TMEFF2: variants seen among roughly 807,000 people sequenced by gnomAD.
TMEFF2 encodes tomoregulin-2.
Under a neutral mutation model 53.8 loss-of-function variants are expected in TMEFF2, and 28 were observed. That is an observed-to-expected ratio of 0.52 (90% CI 0.39 to 0.71). The LOEUF (loss-of-function observed/expected upper bound fraction) is 0.71. Among genes scored for constraint, TMEFF2 ranks in the 30% least tolerant of loss-of-function variants. The pLI, the probability that TMEFF2 is intolerant of heterozygous loss-of-function variation, is 0.00. For synonymous variants in TMEFF2, 162 were observed against 166.3 expected (o/e 0.97, Z 0.20); for missense variants, 353 against 455.2 (o/e 0.78, Z 2.04).
chr2:191,970,595 A>C (rs929544991), intron 7 of TMEFF2, among the ~76,000 whole-genome samples: 6 of 152,174 alleles, frequency 3.9e-5, no homozygotes, highest in Non-Finnish European at 7.3e-5. Flanking sequence ...GGCCTTTCTA[A>C]TGCCTGAATT....
intron 4 of TMEFF2, among the ~76,000 whole-genome samples, chr2:192,139,628 T>C (rs549301303): frequency 6.6e-6 from 1 of 152,330 alleles, no homozygotes; most frequent in South Asian, 2.1e-4. Context: ...CAAAGATTTA[T>C]GAGACTGTTA....
At chr2:192,097,851 A>C (rs1459449241) in intron 4 of TMEFF2, among the ~76,000 whole-genome samples, 2 of 152,200 alleles carry the variant, frequency 1.3e-5, no homozygotes, top group African/African-American at 4.8e-5. Flanking sequence ...CGCAGTTAGG[A>C]TCCTAGGCAC....
chr2:192,037,336 A>AGGAAGGAAGGAAGGAAGG (rs1553515677), intron 5 of TMEFF2, among the ~76,000 whole-genome samples: 1 of 150,588 alleles, frequency 6.6e-6, no homozygotes, highest in African/African-American at 2.4e-5. Context: ...AAAGAAAGAA[A>AGGAAGGAAGGAAGGAAGG]AACAGAAAAC....
At chr2:191,950,498 A>C (rs1321866492) in intron 9 of TMEFF2, 91 bp from the exon 10 acceptor site, 1 of 1,492,208 alleles carries the variant, frequency 6.7e-7, no homozygotes, top group South Asian at 1.1e-5. Context: ...GGATTAAGCA[A>C]ATTATTAAAA....
chr2:192,028,138 G>T (rs768888777), intron 5 of TMEFF2, among the ~76,000 whole-genome samples: 1 of 150,668 alleles, frequency 6.6e-6, no homozygotes, highest in Non-Finnish European at 1.5e-5. Flanking sequence ...AAAAATGGAA[G>T]TTTCCCTGCA....
At chr2:192,152,603 T>C (rs1300382675) in intron 4 of TMEFF2, among the ~76,000 whole-genome samples, 1 of 151,962 alleles carries the variant, frequency 6.6e-6, no homozygotes, top group Non-Finnish European at 1.5e-5. Flanking sequence ...GTAGCTAGTA[T>C]GGTACCCGCA....
At chr2:192,191,221 CTCTT>C (rs1029710842) in intron 2 of TMEFF2, among the ~76,000 whole-genome samples, 23 of 152,114 alleles carry the variant, frequency 1.5e-4, no homozygotes, top group African/African-American at 5.1e-4. Flanking sequence ...ACTTCTTTCT[CTCTT>C]TGTTAGTTAA....
At chr2:192,015,882 G>GTTC (rs1686733480) in intron 5 of TMEFF2, among the ~76,000 whole-genome samples, 1 of 152,188 alleles carries the variant, frequency 6.6e-6, no homozygotes. Context: ...CAGTGTCATA[G>GTTC]TTCAAGCAAT....
At position 191,954,248 on chromosome 2, in the gene TMEFF2, G is replaced by A. The variant is rs138951867; in HGVS notation, c.870-411C>T. 4.0e-4 allele frequency among the ~76,000 whole-genome samples: 61 copies of A among 152,040 alleles called. No individual in the cohort carries two copies. The East Asian group carries it at 9.9e-3, about 25-fold the overall frequency. ...TTTCATCACAAAATTAGGGCTTTTT[G>A]TGTCCCTTTCTAAATAAATATTACT... On this transcript the variant is annotated intron_variant, in intron 8 of 9. Transcript: ENST00000272771.
In TMEFF2 at chr2:192,082,378, C is replaced by CAGAA. The variant is rs572934908; in HGVS notation, c.440-24607_440-24604dup. ...AGCGCCAAACAGCACTGGAGTTAAA[C>CAGAA]AGAAAGTCAGAGTTAGCATGCTAAA... On this transcript the variant is annotated intron_variant, in intron 4 of 9. Coordinates refer to ENST00000272771, the MANE Select transcript of TMEFF2 (RefSeq NM_016192.4). Among the ~76,000 whole-genome samples, 5 of 152,246 alleles carry CAGAA rather than the reference C, an allele frequency of 3.3e-5. No homozygotes were observed. The South Asian group carries it at 1.0e-3, about 32-fold the overall frequency.
chr2:192,110,038 G>A (rs114188324), intron 4 of TMEFF2, among the ~76,000 whole-genome samples: 306 of 152,184 alleles, frequency 2.0e-3, no homozygotes, highest in South Asian at 4.2e-3. Context: ...GATGGGGGGA[G>A]TCTGTGACTA....
chr2:192,174,966 T>C (rs1240872153), intron 4 of TMEFF2, among the ~76,000 whole-genome samples: 1 of 151,770 alleles, frequency 6.6e-6, no homozygotes, highest in Non-Finnish European at 1.5e-5. Flanking sequence ...TTTTATGGAA[T>C]AAATATTCAA....
intron 7 of TMEFF2, among the ~76,000 whole-genome samples, chr2:191,957,987 T>C (rs1289784560): frequency 6.6e-6 from 1 of 152,240 alleles, no homozygotes; most frequent in Non-Finnish European, 1.5e-5. Context: ...ATAATGTTTT[T>C]GGTAGCAAGT....
chr2:192,120,976 CG>C (rs1261790861), intron 4 of TMEFF2, among the ~76,000 whole-genome samples: 7 of 151,922 alleles, frequency 4.6e-5, no homozygotes, highest in Non-Finnish European at 1.0e-4. Flanking sequence ...CCTTGTGATC[CG>C]CCTGCCTCAG....
chr2:192,126,107 G>A (rs1178697022), intron 4 of TMEFF2, among the ~76,000 whole-genome samples: 2 of 152,158 alleles, frequency 1.3e-5, no homozygotes, highest in African/African-American at 4.8e-5. Context: ...GAAAAATTCA[G>A]TTGATGATTC....
chr2:191,980,753 C>T (rs1046336760), intron 7 of TMEFF2, among the ~76,000 whole-genome samples: 1 of 152,036 alleles, frequency 6.6e-6, no homozygotes, highest in Non-Finnish European at 1.5e-5. Flanking sequence ...TAGAAATGAA[C>T]ATATTCATTA....
chr2:192,075,306 T>TTTATATATATATATATAA, intron 4 of TMEFF2, among the ~76,000 whole-genome samples: 1 of 57,748 alleles, frequency 1.7e-5, no homozygotes, highest in African/African-American at 7.0e-5. Context: ...TATATATATA[T>TTTATATATATATATATAA]ATATATATAT....
At chr2:192,185,794 A>G (rs1361284173) in intron 2 of TMEFF2, among the ~76,000 whole-genome samples, 5 of 152,078 alleles carry the variant, frequency 3.3e-5, no homozygotes, top group Admixed American at 2.0e-4. Context: ...TTATATAATA[A>G]TAGCTTAATT....
At chr2:192,186,780 T>A (rs1033946219) in intron 2 of TMEFF2, among the ~76,000 whole-genome samples, 5 of 152,296 alleles carry the variant, frequency 3.3e-5, no homozygotes, top group Admixed American at 2.0e-4. Context: ...ATCCTTAAAT[T>A]TTATTTATTT....
Sources: allele counts gnomAD v4.1 joint callset (sites outside exome capture counted in the v4.1 genomes callset), GRCh38; gene constraint gnomAD v4.1.1; transcripts MANE v1.5; gene names NCBI Gene and HGNC (gene_info 2026-07-23, HGNC 2026-07-21).